STK32B: variants seen among roughly 807,000 people sequenced by gnomAD.
STK32B encodes the protein serine/threonine kinase 32B.
STK32B carries 43 observed loss-of-function variants against 52.6 expected under a neutral mutation model. The observed-to-expected ratio is 0.82, with a 90% CI of 0.64 to 1.05. STK32B has a LOEUF of 1.05. Ranked by LOEUF, STK32B falls within the 50% of genes least tolerant of loss-of-function variation. STK32B has a pLI of 0.00. For missense variants in STK32B, 621 were observed against 534.6 expected (o/e 1.16, Z -1.59); for synonymous variants, 238 against 204.3 (o/e 1.17, Z -1.41).
chr4:5,019,524 A>G, the STK32B span: 4 of 1,360,798 alleles, frequency 2.9e-6, no homozygotes, highest in Non-Finnish European at 3.8e-6. Context: ...CCACGCCTCC[A>G]CTTCCTGTGG....
intron 2 of STK32B, among the ~76,000 whole-genome samples, chr4:5,157,621 C>A (rs1319548817): frequency 6.6e-6 from 1 of 152,206 alleles, no homozygotes; most frequent in Non-Finnish European, 1.5e-5. Flanking sequence ...GAGGCAGGAA[C>A]AGAGTTAGCA....
In STK32B at chr4:5,051,893, C is replaced by CAA; in HGVS notation, c.30_31insAA (p.Val11LysfsTer42). ...GCGGGAACCACTCCCACAAGCCCCCCGTGTTTGACGAGAATGAGGAAGGTA... is the reference window on the plus strand; with the variant it reads ...GCGGGAACCACTCCCACAAGCCCCCCAAGTGTTTGACGAGAATGAGGAAGGTA... On this transcript the variant is annotated frameshift_variant, in exon 1 of 12. Transcript: ENST00000282908. LOFTEE classifies it high-confidence loss of function. The CAA allele has an allele frequency of 6.3e-7, 1 of 1,599,932 alleles. No individual in the cohort carries two copies. The highest frequency in any genetic ancestry group is 8.5e-7 in the Non-Finnish European group (1 of 1,173,708).
chr4:5,422,082 G>C lies in STK32B; in HGVS notation c.562+5148G>C, dbSNP rs187403810. 4.2e-3 allele frequency among the ~76,000 whole-genome samples: 634 copies of C among 152,306 alleles called. 20 individuals carry two copies. Among genetic ancestry groups the C allele is most frequent in the Admixed American group, 0.039 (590 of 15,288 alleles). On this transcript the variant is annotated intron_variant, in intron 6 of 11. Transcript: ENST00000282908. ...AGAGTCGGGGTTACTGATGGAAAAA[G>C]CTTTTCCAATTAGAAAAGCTTCAGG...
rs1286560329 is a variant in STK32B at position 5,460,436 on chromosome 4, C to CT, written c.909+211dup. On this transcript the variant is annotated intron_variant, in intron 9 of 11. Transcript: ENST00000282908. The surrounding 1 kb of genome is among the most constrained non-coding windows in gnomAD (Gnocchi z 4.8). ...ACAGCTTCCCTCCTTGTGGTAGGTC[C>CT]TTTGGGGGTGCCAAGCCTTCTCTCT... 6.6e-6 allele frequency among the ~76,000 whole-genome samples: 1 copy of CT among 152,202 alleles called. No individual in the cohort carries two copies. Among genetic ancestry groups the CT allele is most frequent in the Non-Finnish European group, 1.5e-5 (1 of 68,042 alleles).
At chr4:5,297,487 T>C (rs1729277680) in intron 3 of STK32B, among the ~76,000 whole-genome samples, 4 of 152,124 alleles carry the variant, frequency 2.6e-5, no homozygotes, top group Admixed American at 2.6e-4. Context: ...TCATTCTTTT[T>C]TCTCTAATCT....
chr4:5,196,170 C>T (rs928856013), intron 3 of STK32B, among the ~76,000 whole-genome samples: 2 of 151,996 alleles, frequency 1.3e-5, no homozygotes, highest in Admixed American at 1.3e-4. Flanking sequence ...TCTTGCTCTG[C>T]GTTCCACAGG....
At chr4:5,346,117 AT>A (rs140649828) in intron 4 of STK32B, among the ~76,000 whole-genome samples, 1 of 152,222 alleles carries the variant, frequency 6.6e-6, no homozygotes, top group African/African-American at 2.4e-5. Flanking sequence ...TTTTGACAAA[AT>A]TTTCTGTGTC....
intron 8 of STK32B, 121 bp from the exon 9 acceptor site, chr4:5,459,979 CACA>C: frequency 4.9e-6 from 7 of 1,416,624 alleles, no homozygotes; most frequent in Non-Finnish European, 6.8e-6. Context: ...CCAGACGGGG[CACA>C]ACATCAATAG....
At chr4:5,323,559 T>C (rs919005812) in intron 3 of STK32B, among the ~76,000 whole-genome samples, 8 of 152,148 alleles carry the variant, frequency 5.3e-5, no homozygotes, top group African/African-American at 1.9e-4. Context: ...GAGGTTCCTG[T>C]AGGTAGTGAC....
chr4:5,076,425 A>C (rs1173619062), intron 1 of STK32B, among the ~76,000 whole-genome samples: 1 of 152,144 alleles, frequency 6.6e-6, no homozygotes, highest in Non-Finnish European at 1.5e-5. Flanking sequence ...ATGTTTGCTT[A>C]TAAATTTTTT....
intron 11 of STK32B, among the ~76,000 whole-genome samples, chr4:5,484,078 G>C (rs1267208823): frequency 6.6e-6 from 1 of 152,194 alleles, no homozygotes; most frequent in African/African-American, 2.4e-5. Context: ...ATTTGGGGTG[G>C]AGAGTTCTGT....
chr4:5,110,635 A>G (rs1467719625), intron 1 of STK32B, among the ~76,000 whole-genome samples: 1 of 152,186 alleles, frequency 6.6e-6, no homozygotes, highest in Non-Finnish European at 1.5e-5. Context: ...CCTAAATGTA[A>G]GACCTGAAAC....
chr4:5,317,464 ATG>A (rs1177654567), intron 3 of STK32B, among the ~76,000 whole-genome samples: 3 of 104,532 alleles, frequency 2.9e-5, no homozygotes, highest in Admixed American at 1.2e-4. Context: ...TATAATATAT[ATG>A]TATAATATAT....
intron 3 of STK32B, among the ~76,000 whole-genome samples, chr4:5,324,984 G>A (rs370971728): frequency 3.3e-5 from 5 of 152,138 alleles, no homozygotes; most frequent in African/African-American, 4.8e-5. Flanking sequence ...GCTGCTGTGC[G>A]TGCGAGCCTG....
intron 3 of STK32B, among the ~76,000 whole-genome samples, chr4:5,302,569 T>C (rs1214430368): frequency 3.3e-5 from 5 of 152,152 alleles, no homozygotes; most frequent in Non-Finnish European, 7.4e-5. Context: ...ACTGAAAATA[T>C]CAATATTTGC....
chr4:5,496,424 C>G (rs537502914), intron 11 of STK32B, among the ~76,000 whole-genome samples: 1 of 152,176 alleles, frequency 6.6e-6, no homozygotes, highest in East Asian at 1.9e-4. Context: ...TTAAGCCCTT[C>G]GGAAAAGCGC....
intron 3 of STK32B, among the ~76,000 whole-genome samples, chr4:5,269,370 G>T (rs1727268796): frequency 6.6e-6 from 1 of 152,166 alleles, no homozygotes; most frequent in South Asian, 2.1e-4. Context: ...TACTCCTGCA[G>T]TCCTCTCTAA....
intron 3 of STK32B, among the ~76,000 whole-genome samples, chr4:5,213,635 T>C (rs1193808906): frequency 2.0e-5 from 3 of 152,238 alleles, no homozygotes; most frequent in African/African-American, 4.8e-5. Flanking sequence ...TTTTCCCCTT[T>C]AGTAAAAACC....
chr4:5,221,017 T>G (rs749254304), intron 3 of STK32B, among the ~76,000 whole-genome samples: 1 of 152,204 alleles, frequency 6.6e-6, no homozygotes, highest in Non-Finnish European at 1.5e-5. Context: ...CATAACTTAG[T>G]GTCCTTTGCC....
Sources: gnomAD v4.1 joint callset for allele counts (sites outside exome capture counted in the v4.1 genomes callset) on GRCh38, gnomAD v4.1.1 for gene constraint, Gnocchi (gnomAD v3.1) non-coding constraint, MANE v1.5 for transcripts, NCBI Gene and HGNC (gene_info 2026-07-23, HGNC 2026-07-21) for gene names.